IL1RL2: variants seen among roughly 807,000 people sequenced by gnomAD.
The protein encoded by IL1RL2 is interleukin-1 receptor-like 2.
A neutral mutation model predicts 66.8 loss-of-function variants in IL1RL2; 68 were observed. That is an observed-to-expected ratio of 1.02 (90% CI 0.84 to 1.25). The LOEUF is 1.25. Ranked by LOEUF, IL1RL2 falls within the 50% of genes most tolerant of loss-of-function variation. IL1RL2 has a pLI of 0.00. For synonymous variants in IL1RL2, 305 were observed against 264.6 expected (o/e 1.15, Z -1.48); for missense variants, 729 against 709.3 (o/e 1.03, Z -0.32).
At chr2:102,225,758 T>A in intron 8 of IL1RL2, 140 bp from the exon 9 acceptor site, 1 of 515,478 alleles carries the variant, frequency 1.9e-6, no homozygotes, top group Non-Finnish European at 3.0e-6. Context: ...TAAAGAAATG[T>A]TTAAGCAGTG....
At chr2:102,220,472 A>G (rs981897598) in intron 8 of IL1RL2, among the ~76,000 whole-genome samples, 4 of 152,234 alleles carry the variant, frequency 2.6e-5, no homozygotes, top group African/African-American at 7.2e-5. Context: ...ATGTGTGTAT[A>G]CGAATTGCAC....
chr2:102,206,658 C>T (rs1281022249), intron 5 of IL1RL2, among the ~76,000 whole-genome samples: 2 of 152,244 alleles, frequency 1.3e-5, no homozygotes, highest in African/African-American at 2.4e-5. Flanking sequence ...GCCATGACCA[C>T]TAGGACTGCT....
Position 102,232,965 on chromosome 2 carries a change from G to A in IL1RL2, c.1138G>A (p.Gly380Arg), listed in dbSNP as rs748265475. The A allele has an allele frequency of 6.2e-7, 1 of 1,605,022 alleles. No homozygotes were observed. The highest frequency in any genetic ancestry group is 1.7e-5 in the Admixed American group (1 of 59,314). The change falls in exon 10 of 12, where the codon GGG becomes AGG. Residue 380 changes from glycine to arginine, a missense_variant and splice_region_variant. Physicochemically the swap from Gly to Arg is moderately radical, Grantham distance 125. Coordinates refer to ENST00000264257, the MANE Select transcript of IL1RL2 (RefSeq NM_003854.4). ...AAGCTTGTCCAATTCCTTTTCAGAT[G>A]GGAAGCTGTATGACGCCTATGTCTT... ...AFHSTETIVD[G>R]KLYDAYVLYP... is the part of the protein sequence containing the mutation.
At chr2:102,210,637 T>G (rs1055643650) in intron 5 of IL1RL2, among the ~76,000 whole-genome samples, 3 of 152,172 alleles carry the variant, frequency 2.0e-5, no homozygotes, top group African/African-American at 7.2e-5. Flanking sequence ...GGGAGAAATA[T>G]GGCAAGGTCA....
intron 8 of IL1RL2, among the ~76,000 whole-genome samples, chr2:102,225,065 T>C (rs1690480655): frequency 1.3e-5 from 2 of 152,170 alleles, no homozygotes. Flanking sequence ...TCTAATTCTT[T>C]CCTTCCTAGA....
At chr2:102,221,082 T>C (rs899379874) in intron 8 of IL1RL2, among the ~76,000 whole-genome samples, 9 of 152,214 alleles carry the variant, frequency 5.9e-5, no homozygotes, top group Non-Finnish European at 8.8e-5. Flanking sequence ...CCTGAGCACA[T>C]GGGGAATCCT....
chr2:102,235,235 C>T lies in IL1RL2; in HGVS notation c.1636C>T (p.Pro546Ser), dbSNP rs1450048180. 1 of 1,614,066 alleles carries T rather than the reference C, an allele frequency of 6.2e-7. No homozygotes were observed. The highest frequency in any genetic ancestry group is 1.1e-5 in the South Asian group (1 of 91,076). The change falls in exon 11 of 12, where the codon CCG becomes TCG. Residue 546 changes from proline (P) to serine (S), a missense_variant. Transcript: ENST00000264257. The stretch of plus-strand genomic sequence containing the variant: ...GCCCAGAAGGTGTCGGCCGTTTCCT[C>T]CGGTCCAGCTGCTGCAGCACACACC... ...MPPRRCRPFPPVQLLQHTPCY... is the reference protein window; with the variant it reads ...MPPRRCRPFPSVQLLQHTPCY...
At chr2:102,227,093 G>T (rs1341589007) in intron 9 of IL1RL2, among the ~76,000 whole-genome samples, 2 of 152,160 alleles carry the variant, frequency 1.3e-5, no homozygotes, top group Non-Finnish European at 1.5e-5. Flanking sequence ...GTTTTGTTTT[G>T]TTTTGTTTTG....
chr2:102,239,066 A>G, intron 11 of IL1RL2, 126 bp from the exon 12 acceptor site: 1 of 756,326 alleles, frequency 1.3e-6, no homozygotes. Context: ...TGGAAGCCTC[A>G]GGGATATACC....
At chr2:102,195,172 A>G (rs1019043585) in intron 4 of IL1RL2, among the ~76,000 whole-genome samples, 2 of 152,158 alleles carry the variant, frequency 1.3e-5, no homozygotes, top group Non-Finnish European at 1.5e-5. Flanking sequence ...GATATCAGTA[A>G]TTGTTACAAT....
intron 5 of IL1RL2, 114 bp downstream of exon 5, chr2:102,201,829 T>A: frequency 1.0e-6 from 1 of 976,552 alleles, no homozygotes; most frequent in Non-Finnish European, 1.5e-6. Context: ...TTGGTTTCCC[T>A]GAAGGCTAGT....
intron 4 of IL1RL2, among the ~76,000 whole-genome samples, chr2:102,193,312 G>C (rs1404836922): frequency 6.6e-6 from 1 of 152,168 alleles, no homozygotes; most frequent in Non-Finnish European, 1.5e-5. Flanking sequence ...TCATTTGTAG[G>C]GCATGCAGAT....
Position 102,225,970 on chromosome 2 carries a change from T to C in IL1RL2, c.1064T>C (p.Ile355Thr), listed in dbSNP as rs138105991. ...GCTGTGGCTGTGTCTGTTGTGTACA[T>C]ATACAACATTTTTAAGATCGACATT... ...LVAVAVSVVY[I>T]YNIFKIDIVL... Residue 355 changes from isoleucine to threonine, a missense_variant, in exon 9 of 12, where the codon ATA becomes ACA. Ile to Thr is a moderately conservative substitution (Grantham distance 89). Transcript: ENST00000264257. The C allele has an allele frequency of 2.4e-3, 3,810 of 1,610,616 alleles. 16 individuals carry two copies. Among genetic ancestry groups the C allele is most frequent in the South Asian group, 9.5e-3 (862 of 90,646 alleles).
chr2:102,218,706 G>C (rs1040280397), intron 6 of IL1RL2, among the ~76,000 whole-genome samples: 1 of 152,190 alleles, frequency 6.6e-6, no homozygotes, highest in African/African-American at 2.4e-5. Context: ...AATAGCATTT[G>C]TGTACCTGAT....
intron 2 of IL1RL2, among the ~76,000 whole-genome samples, chr2:102,188,716 G>GCAGAA (rs1284874960): frequency 6.6e-6 from 1 of 151,990 alleles, no homozygotes. Context: ...GGGTGGCAGA[G>GCAGAA]CAGAAACAGA....
intron 3 of IL1RL2, among the ~76,000 whole-genome samples, chr2:102,190,369 C>A (rs775885313): frequency 3.3e-5 from 5 of 152,182 alleles, no homozygotes; most frequent in Non-Finnish European, 7.3e-5. Flanking sequence ...ATTACTTGAT[C>A]TCTCTGAGCC....
intron 9 of IL1RL2, among the ~76,000 whole-genome samples, chr2:102,229,742 C>T (rs1183841774): frequency 1.3e-5 from 2 of 152,108 alleles, no homozygotes; most frequent in African/African-American, 2.4e-5. Context: ...TACTCAAAAG[C>T]TTAGTCAGAC....
intron 2 of IL1RL2, 25 bp from the exon 3 acceptor site, chr2:102,189,051 T>C (rs764564956): frequency 1.3e-6 from 2 of 1,541,700 alleles, no homozygotes; most frequent in Non-Finnish European, 1.8e-6. Context: ...TGGATAATTG[T>C]TTTGTTTTGT....
intron 11 of IL1RL2, among the ~76,000 whole-genome samples, chr2:102,238,124 C>G (rs1407852746): frequency 6.6e-6 from 1 of 152,238 alleles, no homozygotes; most frequent in Admixed American, 6.5e-5. Flanking sequence ...AATTAGAGAC[C>G]CCCCTGGGAA....
Sources: gnomAD v4.1 joint callset for allele counts (sites outside exome capture counted in the v4.1 genomes callset) on GRCh38, gnomAD v4.1.1 for gene constraint, MANE v1.5 for transcripts, NCBI Gene and HGNC (gene_info 2026-07-23, HGNC 2026-07-21) for gene names.